The following ARHGAP21 variants were observed in gnomAD, a reference collection of about 807,000 sequenced individuals.
ARHGAP21 encodes Rho GTPase activating protein 21, also known as rho GTPase-activating protein 21.
In ARHGAP21, 38 loss-of-function variants were observed where a neutral mutation model predicts 164.6. The observed-to-expected ratio is 0.23, with a 90% CI of 0.18 to 0.30. The LOEUF (loss-of-function observed/expected upper bound fraction) is 0.30, where lower values mean the gene tolerates loss of function less well. Ranked by LOEUF, ARHGAP21 falls within the 10% of genes least tolerant of loss-of-function variation. ARHGAP21 has a pLI of 1.00. For synonymous variants in ARHGAP21, 766 were observed against 857.9 expected, an observed-to-expected ratio of 0.89 and a Z score of 1.87; for missense variants, 1,822 against 2,370.7, an observed-to-expected ratio of 0.77 and a Z score of 4.81.
chr10:24,591,951 T>C lies in ARHGAP21; in HGVS notation c.3938A>G (p.Asn1313Ser), dbSNP rs1272299534. 4 of 1,613,750 alleles carry C rather than the reference T, an allele frequency of 2.5e-6. No individual in the cohort carries two copies. Among genetic ancestry groups the C allele is most frequent in the Admixed American group, 1.7e-5 (1 of 59,960 alleles). The change falls in exon 22 of 26, where the codon AAC becomes AGC. Residue 1313 changes from asparagine (N) to serine (S), a missense_variant. Coordinates refer to ENST00000396432, the MANE Select transcript of ARHGAP21 (RefSeq NM_020824.4). ...GPTLVRTSEDNMTHMVTHMPD... is the reference protein window; with the variant it reads ...GPTLVRTSEDSMTHMVTHMPD... ...CATGTGGGTGACCATGTGGGTCATG[T>C]TGTCTTCTGATGTTCGAACAAGGGT...
intron 14 of ARHGAP21, among the ~76,000 whole-genome samples, chr10:24,599,315 A>G (rs914718047): frequency 6.6e-6 from 1 of 152,184 alleles, no homozygotes; most frequent in Admixed American, 6.5e-5. Flanking sequence ...TGAAATCCAC[A>G]TCTAAGTTCT....
At chr10:24,682,237 A>C (rs369020652) in intron 2 of ARHGAP21, among the ~76,000 whole-genome samples, 1 of 152,196 alleles carries the variant, frequency 6.6e-6, no homozygotes. Flanking sequence ...GAAAGGAAAA[A>C]CAAAATCTTG....
At chr10:24,706,899 A>T (rs185476309) in intron 2 of ARHGAP21, among the ~76,000 whole-genome samples, 2 of 152,340 alleles carry the variant, frequency 1.3e-5, no homozygotes, top group South Asian at 2.1e-4. Flanking sequence ...TTAGTCATTC[A>T]ATGAAAACAC....
chr10:24,714,715 C>G (rs1225918833), intron 2 of ARHGAP21, among the ~76,000 whole-genome samples: 1 of 152,066 alleles, frequency 6.6e-6, no homozygotes, highest in African/African-American at 2.4e-5. Context: ...AATCCTATGC[C>G]TCCAATGAAG....
chr10:24,592,131 TA>T, intron 21 of ARHGAP21, 119 bp from the exon 22 acceptor site: 1 of 881,278 alleles, frequency 1.1e-6, no homozygotes, highest in Non-Finnish European at 1.6e-6. Flanking sequence ...TGATGTAGAT[TA>T]AAAAAATAAT....
chr10:24,628,953 T>TATAC (rs1835500314), intron 7 of ARHGAP21: 1 of 8,870 alleles, frequency 1.1e-4, no homozygotes, highest in Non-Finnish European at 2.0e-4. Context: ...ACACACACAC[T>TATAC]ATATATATAT....
intron 2 of ARHGAP21, among the ~76,000 whole-genome samples, chr10:24,699,052 C>G (rs1843413965): frequency 6.6e-6 from 1 of 152,176 alleles, no homozygotes; most frequent in African/African-American, 2.4e-5. Flanking sequence ...AAAACCTGAT[C>G]TGCCCTTCGA....
At chr10:24,624,707 G>A (rs946840079) in intron 7 of ARHGAP21, among the ~76,000 whole-genome samples, 2 of 151,872 alleles carry the variant, frequency 1.3e-5, no homozygotes, top group African/African-American at 2.4e-5. Flanking sequence ...TGAAACCAAT[G>A]TCATAAGAAT....
chr10:24,585,038 T>A lies in ARHGAP21; in HGVS notation c.5251A>T (p.Arg1751Ter). Residue 1751 changes from arginine to a stop codon, truncating the protein, a stop_gained, in exon 26 of 26, where the codon AGA becomes TGA. Transcript: ENST00000396432. LOFTEE classifies it low-confidence loss of function (END_TRUNC). Reference protein sequence around the residue: ...KSTGSLLTPTRGESEKQEPTW... With the variant: ...KSTGSLLTPT Reference sequence around the variant, plus strand: ...GGTTCCTGTTTTTCGGATTCGCCTCTGGTGGGTGTCAGTAAACTCCCAGTT... The same window carrying A: ...GGTTCCTGTTTTTCGGATTCGCCTCAGGTGGGTGTCAGTAAACTCCCAGTT... 6.2e-7 allele frequency: 1 copy of A among 1,613,986 alleles called. No homozygotes were observed. The highest frequency in any genetic ancestry group is 8.5e-7 in the Non-Finnish European group (1 of 1,179,872).
At chr10:24,681,018 AT>A (rs1841711225) in intron 2 of ARHGAP21, among the ~76,000 whole-genome samples, 1 of 152,252 alleles carries the variant, frequency 6.6e-6, no homozygotes, top group African/African-American at 2.4e-5. Context: ...AGAAACCAAA[AT>A]AAAGATTTAA....
chr10:24,637,802 G>C (rs1227924051), intron 4 of ARHGAP21, among the ~76,000 whole-genome samples: 1 of 151,774 alleles, frequency 6.6e-6, no homozygotes, highest in African/African-American at 2.4e-5. Context: ...GATTAAAATA[G>C]AGTCCAATCC....
intron 4 of ARHGAP21, among the ~76,000 whole-genome samples, chr10:24,641,878 T>G (rs1405117780): frequency 6.6e-6 from 1 of 151,902 alleles, no homozygotes; most frequent in Non-Finnish European, 1.5e-5. Flanking sequence ...ATCCCTATAA[T>G]GCCAGCTACT....
chr10:24,704,322 A>C (rs1844007747), intron 2 of ARHGAP21, among the ~76,000 whole-genome samples: 2 of 130,622 alleles, frequency 1.5e-5, no homozygotes, highest in African/African-American at 6.0e-5. Flanking sequence ...ACAGGGTCTC[A>C]CTCTGTGGCC....
intron 4 of ARHGAP21, among the ~76,000 whole-genome samples, chr10:24,646,389 T>C (rs988291429): frequency 3.3e-5 from 5 of 152,078 alleles, no homozygotes; most frequent in African/African-American, 1.2e-4. Context: ...TGGTGGCTCA[T>C]ACCTGTAATC....
At chr10:24,705,874 C>T (rs975465317) in intron 2 of ARHGAP21, among the ~76,000 whole-genome samples, 3 of 152,046 alleles carry the variant, frequency 2.0e-5, no homozygotes, top group Non-Finnish European at 4.4e-5. Flanking sequence ...ATATTATCTA[C>T]GATTAACAAC....
intron 4 of ARHGAP21, among the ~76,000 whole-genome samples, chr10:24,654,390 C>A (rs892158769): frequency 2.6e-5 from 4 of 152,176 alleles, no homozygotes; most frequent in Non-Finnish European, 4.4e-5. Context: ...ATCGCCTCAG[C>A]CCAAAATATC....
At chr10:24,670,513 C>A in intron 2 of ARHGAP21, 116 bp from the exon 3 acceptor site, 1 of 529,460 alleles carries the variant, frequency 1.9e-6, no homozygotes, top group Non-Finnish European at 3.0e-6. Context: ...TTTTCTGATG[C>A]ATAAACTACA....
Position 24,628,982 on chromosome 10 carries a change from ATTTT to A in ARHGAP21, c.495+1010_495+1013del, listed in dbSNP as rs1166249007. 15 of 11,622 alleles carry A rather than the reference ATTTT, an allele frequency of 1.3e-3. 1 individual carries two copies. In the South Asian group the frequency reaches 0.019, roughly 15 times the overall value. 0.7% of individuals were successfully genotyped at this position (11,622 alleles called of 1,614,324 possible). On this transcript the variant is annotated intron_variant, in intron 7 of 25. Coordinates refer to ENST00000396432, the MANE Select transcript of ARHGAP21 (RefSeq NM_020824.4). Reference sequence around the variant, plus strand: ...TATATATATATATATATATATATATATTTTTTTTTTTTTTTTTTTTTTTTTTTTT... The same window carrying A: ...TATATATATATATATATATATATATATTTTTTTTTTTTTTTTTTTTTTTTT...
intron 13 of ARHGAP21, among the ~76,000 whole-genome samples, chr10:24,601,392 C>T (rs1166075306): frequency 6.6e-6 from 1 of 152,186 alleles, no homozygotes; most frequent in Non-Finnish European, 1.5e-5. Context: ...ACTCTATCCA[C>T]ATCCAAAGTG....
Sources: gnomAD v4.1 joint callset for allele counts (sites outside exome capture counted in the v4.1 genomes callset) on GRCh38, gnomAD v4.1.1 for gene constraint, MANE v1.5 for transcripts, NCBI Gene and HGNC (gene_info 2026-07-23, HGNC 2026-07-21) for gene names.